The following SLC13A1 variants were observed in gnomAD, a reference collection of about 807,000 sequenced individuals.
SLC13A1 encodes the protein solute carrier family 13 member 1, also known as Na(+)/sulfate cotransporter.
SLC13A1 carries 65 observed loss-of-function variants against 70.0 expected under a neutral mutation model. The ratio of observed to expected loss-of-function variants is 0.93; its 90% confidence interval spans 0.76 to 1.14. The LOEUF is 1.14. Ranked by LOEUF, SLC13A1 falls within the 50% of genes most tolerant of loss-of-function variation. The pLI is 0.00. For synonymous variants in SLC13A1, 275 were observed against 250.5 expected (o/e 1.10, Z -0.92); for missense variants, 726 against 717.8 (o/e 1.01, Z -0.13).
chr7:123,172,620 T>TA (rs1241156385), intron 2 of SLC13A1, among the ~76,000 whole-genome samples: 38 of 152,236 alleles, frequency 2.5e-4, no homozygotes, highest in African/African-American at 8.7e-4. Flanking sequence ...GACTTCATCT[T>TA]AAAAAATAAT....
chr7:123,125,459 T>C (rs1348997571), intron 11 of SLC13A1, 110 bp downstream of exon 11: 1 of 734,822 alleles, frequency 1.4e-6, no homozygotes, highest in South Asian at 1.7e-5. Context: ...AGGCCAGGGA[T>C]TGTGCCAGCA....
chr7:123,180,600 T>C (rs930712896), intron 2 of SLC13A1, among the ~76,000 whole-genome samples: 3 of 152,168 alleles, frequency 2.0e-5, no homozygotes, highest in Non-Finnish European at 4.4e-5. Context: ...AGGGAAACTT[T>C]TTCTTCATTA....
intron 6 of SLC13A1, among the ~76,000 whole-genome samples, chr7:123,147,764 T>C (rs1794414479): frequency 6.6e-6 from 1 of 152,182 alleles, no homozygotes; most frequent in African/African-American, 2.4e-5. Flanking sequence ...TCAATAGAGA[T>C]GTAGCAATAA....
chr7:123,141,887 CTA>C (rs1361748108), intron 7 of SLC13A1, among the ~76,000 whole-genome samples: 1 of 152,116 alleles, frequency 6.6e-6, no homozygotes, highest in Non-Finnish European at 1.5e-5. Flanking sequence ...TGTAACCACT[CTA>C]TGTCTTTGGA....
At chr7:123,183,816 C>T (rs1044271784) in intron 1 of SLC13A1, among the ~76,000 whole-genome samples, 5 of 152,186 alleles carry the variant, frequency 3.3e-5, no homozygotes, top group Admixed American at 2.0e-4. Context: ...ACACTTGCTT[C>T]CAAGTAGTTT....
rs756327488 is a variant in SLC13A1 at position 123,119,213 on chromosome 7, A to G, written c.1380T>C (p.Asn460=). 3.3e-5 allele frequency: 53 copies of G among 1,611,028 alleles called. No homozygotes were observed. Among genetic ancestry groups the G allele is most frequent in the Middle Eastern group, 3.3e-4 (2 of 6,070 alleles). Residue 460 remains asparagine (N), a synonymous_variant, in exon 13 of 15, where the codon AAT becomes AAC. Transcript: ENST00000194130. ...EESGLSKWIG[N]KLSPLGSLPA... Reference sequence around the variant, plus strand: ...GTAATGAACCCAGAGGAGATAATTTATTTCCTATCCACTTAGATAATCCAG... The same window carrying G: ...GTAATGAACCCAGAGGAGATAATTTGTTTCCTATCCACTTAGATAATCCAG...
At chr7:123,181,632 A>C (rs537240943) in intron 1 of SLC13A1, among the ~76,000 whole-genome samples, 2 of 152,138 alleles carry the variant, frequency 1.3e-5, no homozygotes, top group Admixed American at 6.6e-5. Context: ...AAAAGACATG[A>C]CAAGTTGTGT....
chr7:123,151,366 A>G (rs917990180), intron 6 of SLC13A1, among the ~76,000 whole-genome samples: 10 of 145,672 alleles, frequency 6.9e-5, no homozygotes, highest in Admixed American at 2.1e-4. Context: ...ATTTGAATAT[A>G]TGTGTGTGTG....
intron 1 of SLC13A1, among the ~76,000 whole-genome samples, chr7:123,189,609 CT>C (rs1244922328): frequency 6.6e-6 from 1 of 152,074 alleles, no homozygotes; most frequent in African/African-American, 2.4e-5. Flanking sequence ...TACACAGAAT[CT>C]ATGAAGTAAG....
At chr7:123,137,814 T>A (rs1309456545) in intron 7 of SLC13A1, among the ~76,000 whole-genome samples, 1 of 152,148 alleles carries the variant, frequency 6.6e-6, no homozygotes, top group Non-Finnish European at 1.5e-5. Flanking sequence ...TATATATGTA[T>A]GGGGTACATG....
intron 3 of SLC13A1, 125 bp from the exon 4 acceptor site, chr7:123,169,460 G>T: frequency 1.2e-6 from 1 of 848,926 alleles, no homozygotes; most frequent in East Asian, 2.7e-5. Context: ...AAACATGGAA[G>T]GTTAAGATTC....
intron 6 of SLC13A1, among the ~76,000 whole-genome samples, chr7:123,166,853 C>T (rs1436397734): frequency 2.0e-5 from 3 of 152,054 alleles, no homozygotes; most frequent in Non-Finnish European, 2.9e-5. Context: ...AATAAACATA[C>T]GTGTGCATCC....
intron 8 of SLC13A1, among the ~76,000 whole-genome samples, chr7:123,133,726 T>A (rs1793849731): frequency 6.6e-6 from 1 of 152,028 alleles, no homozygotes; most frequent in Non-Finnish European, 1.5e-5. Context: ...GAGATGGGAT[T>A]TCACCATGTT....
At chr7:123,115,765 G>A (rs28364224) in intron 14 of SLC13A1, 110 bp from the exon 15 acceptor site, 8 of 1,086,482 alleles carry the variant, frequency 7.4e-6, no homozygotes, top group South Asian at 1.6e-5. Context: ...TAAATGATTA[G>A]TATAAATTGT....
chr7:123,153,128 T>C (rs10953973), intron 6 of SLC13A1, among the ~76,000 whole-genome samples: 85,407 of 151,834 alleles, frequency 0.56, 24,081 homozygotes, highest in East Asian at 0.64. Flanking sequence ...TGCATATATA[T>C]AGAATTATTA....
At chr7:123,177,640 G>A (rs1795492083) in intron 2 of SLC13A1, among the ~76,000 whole-genome samples, 1 of 152,004 alleles carries the variant, frequency 6.6e-6, no homozygotes, top group South Asian at 2.1e-4. Context: ...TGCACTGGGT[G>A]TTACCTCTTC....
At chr7:123,151,713 C>G (rs1794562172) in intron 6 of SLC13A1, among the ~76,000 whole-genome samples, 1 of 152,098 alleles carries the variant, frequency 6.6e-6, no homozygotes, top group African/African-American at 2.4e-5. Flanking sequence ...CTGAAAATGA[C>G]AGACTTGGGT....
At position 123,171,700 on chromosome 7, in the gene SLC13A1, G is replaced by C. The variant is rs1327902952; in HGVS notation, c.365+68C>G. 4 of 1,481,204 alleles carry C rather than the reference G, an allele frequency of 2.7e-6. No homozygotes were observed. In the African/African-American group the frequency reaches 5.6e-5, roughly 21 times the overall value. The allele number at this position is 1,481,204 out of a possible 1,614,324, so 91.8% of individuals were successfully genotyped here. A position where few individuals can be genotyped will look rare whatever the true frequency, so the allele number is the denominator to read the frequency against. ...TTTCCTGGGCGTGAATTACTTATTT[G>C]ATTATTTGCTCTGCACAAAAATGGT... is the stretch of plus-strand genomic sequence containing the variant. On this transcript the variant is annotated intron_variant, in intron 3 of 14. Transcript: ENST00000194130.
chr7:123,120,954 C>T (rs1430802521), intron 12 of SLC13A1, among the ~76,000 whole-genome samples: 2 of 152,064 alleles, frequency 1.3e-5, no homozygotes, highest in Non-Finnish European at 2.9e-5. Context: ...GTATTGGGTA[C>T]TCAGTAGCTC....
Sources: allele counts gnomAD v4.1 joint callset (sites outside exome capture counted in the v4.1 genomes callset), GRCh38; gene constraint gnomAD v4.1.1; transcripts MANE v1.5; gene names NCBI Gene and HGNC (gene_info 2026-07-23, HGNC 2026-07-21).